DYM: variants seen among roughly 807,000 people sequenced by gnomAD.
DYM encodes dymeclin.
In DYM, 78 loss-of-function variants were observed where a neutral mutation model predicts 93.1. That is an observed-to-expected ratio of 0.84 (90% CI 0.70 to 1.01). DYM has a LOEUF of 1.01. Ranked by LOEUF, DYM falls within the 50% of genes least tolerant of loss-of-function variation. DYM has a pLI of 0.00. For missense variants in DYM, 789 were observed against 845.0 expected (o/e 0.93, Z 0.82); for synonymous variants, 321 against 319.7 (o/e 1.00, Z -0.04).
At chr18:49,315,146 C>T (rs1327733643) in intron 8 of DYM, among the ~76,000 whole-genome samples, 2 of 151,112 alleles carry the variant, frequency 1.3e-5, no homozygotes, top group African/African-American at 4.9e-5. Flanking sequence ...GCCCGAGAGG[C>T]GGAGGTTGCA....
intron 1 of DYM, among the ~76,000 whole-genome samples, chr18:49,440,518 T>C (rs1480282065): frequency 2.1e-5 from 1 of 47,886 alleles, no homozygotes; most frequent in Non-Finnish European, 3.4e-5. Context: ...TATTATATAT[T>C]TATATAATAT....
intron 2 of DYM, among the ~76,000 whole-genome samples, chr18:49,406,369 G>T (rs1208993898): frequency 6.6e-6 from 1 of 151,938 alleles, no homozygotes; most frequent in African/African-American, 2.4e-5. Context: ...GACCAGTCTG[G>T]CCCCAAAGTG....
At chr18:49,214,998 C>T (rs2092961600) in intron 13 of DYM, among the ~76,000 whole-genome samples, 1 of 152,172 alleles carries the variant, frequency 6.6e-6, no homozygotes, top group Non-Finnish European at 1.5e-5. Context: ...GTTCGCACTG[C>T]TCTTACTATA....
At chr18:49,149,469 T>C (rs62102334) in intron 15 of DYM, among the ~76,000 whole-genome samples, 5,917 of 152,248 alleles carry the variant, frequency 0.039, 151 homozygotes, top group Middle Eastern at 0.095. Context: ...AATCTCTTCA[T>C]CCTGCTTTAT....
At chr18:49,305,316 T>C (rs915951652) in intron 8 of DYM, among the ~76,000 whole-genome samples, 13 of 152,330 alleles carry the variant, frequency 8.5e-5, no homozygotes, top group South Asian at 2.1e-4. Flanking sequence ...CCATTCCACT[T>C]GCTCTTACTT....
At chr18:49,197,956 C>T (rs1301222891) in intron 14 of DYM, among the ~76,000 whole-genome samples, 1 of 152,186 alleles carries the variant, frequency 6.6e-6, no homozygotes, top group African/African-American at 2.4e-5. Flanking sequence ...AAGCTGGAGG[C>T]ATCACGCTAC....
chr18:49,237,092 G>C (rs76959377), intron 13 of DYM, among the ~76,000 whole-genome samples: 1 of 151,866 alleles, frequency 6.6e-6, no homozygotes, highest in African/African-American at 2.4e-5. Context: ...TGGAACCCGG[G>C]AATCAATCAC....
chr18:49,452,895 C>G (rs573663023), intron 1 of DYM, among the ~76,000 whole-genome samples: 1 of 134,158 alleles, frequency 7.5e-6, no homozygotes, highest in South Asian at 2.5e-4. Context: ...CACTCTGTGT[C>G]TAGCTCAAGG....
intron 15 of DYM, among the ~76,000 whole-genome samples, chr18:49,162,498 C>T (rs944134939): frequency 5.3e-5 from 8 of 152,122 alleles, no homozygotes; most frequent in Non-Finnish European, 8.8e-5. Flanking sequence ...AATCCATTAA[C>T]TCACTAATCT....
chr18:49,245,090 A>G (rs928725910), intron 13 of DYM, among the ~76,000 whole-genome samples: 1 of 152,168 alleles, frequency 6.6e-6, no homozygotes, highest in African/African-American at 2.4e-5. Flanking sequence ...TGAAGATTTC[A>G]TGGACATTTA....
At chr18:49,281,876 C>T (rs1443828044) in intron 10 of DYM, 121 bp downstream of exon 10, 1 of 940,792 alleles carries the variant, frequency 1.1e-6, no homozygotes, top group Non-Finnish European at 1.6e-6. Flanking sequence ...CTGGGTGCAG[C>T]ACACCAACAT....
chr18:49,120,178 G>A (rs2082265253), intron 15 of DYM, among the ~76,000 whole-genome samples: 1 of 151,144 alleles, frequency 6.6e-6, no homozygotes, highest in Non-Finnish European at 1.5e-5. Flanking sequence ...CAGGAAGGCA[G>A]AAAAAATGCA....
chr18:49,094,645 G>C (rs1051106038), intron 17 of DYM, among the ~76,000 whole-genome samples: 13 of 152,154 alleles, frequency 8.5e-5, no homozygotes, highest in Non-Finnish European at 1.6e-4. Context: ...TCCCACATAG[G>C]ATATTACACA....
At chr18:49,365,703 A>G (rs2066457729) in intron 5 of DYM, among the ~76,000 whole-genome samples, 1 of 152,200 alleles carries the variant, frequency 6.6e-6, no homozygotes, top group Non-Finnish European at 1.5e-5. Flanking sequence ...TGCCAGTTTA[A>G]TAACATCCCT....
At chr18:49,379,565 A>C (rs2067842696) in intron 4 of DYM, 100 bp downstream of exon 4, 1 of 1,058,912 alleles carries the variant, frequency 9.4e-7, no homozygotes. Flanking sequence ...ATTCCTTCAC[A>C]GAGATTTTCA....
At position 49,042,757 on chromosome 18, in the gene DYM, G is replaced by A. The variant is rs554767829; in HGVS notation, c.*1298C>T. ...CTGTGAAGGGGCCCGTGAGGACACA[G>A]AGTGTGACTGGAAAGGAAGGTCCCA... On this transcript the variant is annotated 3_prime_UTR_variant, in exon 18 of 18. Transcript: ENST00000675505. 6.6e-6 allele frequency: 1 copy of A among 152,248 alleles called. No homozygotes were observed. Among genetic ancestry groups the A allele is most frequent in the Non-Finnish European group, 1.5e-5 (1 of 68,048 alleles). 9.4% of individuals were successfully genotyped at this position (152,248 alleles called of 1,614,324 possible). A position where few individuals can be genotyped will look rare whatever the true frequency, so the allele number is the denominator to read the frequency against.
intron 2 of DYM, among the ~76,000 whole-genome samples, chr18:49,420,997 TA>T (rs998325071): frequency 1.3e-5 from 2 of 152,110 alleles, no homozygotes; most frequent in Non-Finnish European, 2.9e-5. Flanking sequence ...CTTGAGTACC[TA>T]AACAAAGCAG....
At chr18:49,080,472 G>T (rs1362360517) in intron 17 of DYM, among the ~76,000 whole-genome samples, 68 of 130,858 alleles carry the variant, frequency 5.2e-4, no homozygotes, top group African/African-American at 1.9e-3. Context: ...GGGCAGAGGC[G>T]CCCCTCACCT....
At chr18:49,130,553 T>TA in intron 15 of DYM, among the ~76,000 whole-genome samples, 1 of 121,610 alleles carries the variant, frequency 8.2e-6, no homozygotes, top group Middle Eastern at 4.0e-3. Flanking sequence ...GAAGCCCCTT[T>TA]CTCCTACTTT....
Sources: allele counts gnomAD v4.1 joint callset (sites outside exome capture counted in the v4.1 genomes callset), GRCh38; gene constraint gnomAD v4.1.1; transcripts MANE v1.5; gene names NCBI Gene and HGNC (gene_info 2026-07-23, HGNC 2026-07-21).